Variants in ABCC11 observed in about 807,000 individuals in gnomAD.
ABCC11 encodes the protein ATP-binding cassette sub-family C member 11.
Under a neutral mutation model 149.3 loss-of-function variants are expected in ABCC11, and 135 were observed. That is an observed-to-expected ratio of 0.90 (90% CI 0.79 to 1.04). The LOEUF (loss-of-function observed/expected upper bound fraction) is 1.04. ABCC11 is among the 50% of genes least tolerant of loss of function. The pLI is 0.00. For synonymous variants in ABCC11, 665 were observed against 671.4 expected (o/e 0.99, Z 0.15); for missense variants, 1,680 against 1,722.1 (o/e 0.98, Z 0.43).
At chr16:48,196,175 A>C in intron 18 of ABCC11, 57 bp downstream of exon 18, 1 of 1,565,650 alleles carries the variant, frequency 6.4e-7, no homozygotes, top group Admixed American at 1.7e-5. Context: ...AATCTGACCC[A>C]GTTCCAGGGA....
intron 20 of ABCC11, among the ~76,000 whole-genome samples, chr16:48,192,296 T>C (rs896449624): frequency 1.3e-5 from 2 of 151,888 alleles, no homozygotes; most frequent in Non-Finnish European, 2.9e-5. Context: ...ATACAAAAAT[T>C]AGTCAGATCT....
chr16:48,203,411 A>AGGCCGGGCGCGG, intron 13 of ABCC11, 111 bp from the exon 14 acceptor site: 1 of 927,312 alleles, frequency 1.1e-6, no homozygotes, highest in Non-Finnish European at 1.7e-6. Flanking sequence ...TTTAGACTTG[A>AGGCCGGGCGCGG]TGGTGTTTAA....
chr16:48,215,972 A>T, intron 7 of ABCC11, 142 bp downstream of exon 7: 2 of 875,908 alleles, frequency 2.3e-6, no homozygotes, highest in Non-Finnish European at 3.5e-6. Context: ...AATAGTTTGA[A>T]GTAGGGAGTG....
intron 28 of ABCC11, among the ~76,000 whole-genome samples, chr16:48,169,769 GGT>G (rs1965577538): frequency 8.7e-6 from 1 of 114,532 alleles, no homozygotes; most frequent in Non-Finnish European, 1.7e-5. Flanking sequence ...CCTGTCGTGG[GGT>G]GGGGGGAGGG....
intron 20 of ABCC11, 55 bp from the exon 21 acceptor site, chr16:48,187,482 A>G (rs1966817815): frequency 6.8e-7 from 1 of 1,465,234 alleles, no homozygotes; most frequent in Non-Finnish European, 9.4e-7. Flanking sequence ...CCTGCTCAAG[A>G]TTGGATGAAG....
In ABCC11 at chr16:48,202,748, G is replaced by T. The variant is rs142788478; in HGVS notation, c.1878+480C>A. Among the ~76,000 whole-genome samples, 884 of 152,252 alleles carry T rather than the reference G, an allele frequency of 5.8e-3. 9 individuals are homozygous for T. Among genetic ancestry groups the T allele is most frequent in the African/African-American group, 0.021 (857 of 41,552 alleles). ...CCTTGCATGTAGTAAGTGTTCAACAGACTGAGATATTATTAGACCATTAAT... is the reference window on the plus strand; with the variant it reads ...CCTTGCATGTAGTAAGTGTTCAACATACTGAGATATTATTAGACCATTAAT... On this transcript the variant is annotated intron_variant, in intron 14 of 29. Transcript: ENST00000356608.
At chr16:48,218,806 C>T (rs144049007) in intron 6 of ABCC11, among the ~76,000 whole-genome samples, 3,105 of 152,306 alleles carry the variant, frequency 0.02, 47 homozygotes, top group Non-Finnish European at 0.031. Flanking sequence ...TCCCCAGCCA[C>T]GTGGAACTGT....
intron 6 of ABCC11, among the ~76,000 whole-genome samples, chr16:48,219,169 GTTT>G (rs59995920): frequency 1.2e-3 from 163 of 134,546 alleles, no homozygotes; most frequent in African/African-American, 4.1e-3. Flanking sequence ...TTGGTTTTGG[GTTT>G]TTTTTTTTTT....
intron 25 of ABCC11, 132 bp downstream of exon 25, chr16:48,176,792 C>G (rs1966103541): frequency 1.8e-6 from 2 of 1,102,704 alleles, no homozygotes; most frequent in Non-Finnish European, 2.5e-6. Flanking sequence ...TTGTCTAGCA[C>G]AGGGCCCAGC....
At chr16:48,183,195 C>A (rs1239904901) in intron 23 of ABCC11, among the ~76,000 whole-genome samples, 1 of 152,236 alleles carries the variant, frequency 6.6e-6, no homozygotes, top group Non-Finnish European at 1.5e-5. Flanking sequence ...AGCCACATAA[C>A]CACAGAGGGG....
At chr16:48,195,974 AT>A (rs926457885) in intron 18 of ABCC11, among the ~76,000 whole-genome samples, 1 of 151,974 alleles carries the variant, frequency 6.6e-6, no homozygotes, top group East Asian at 1.9e-4. Context: ...TGTCTATTCT[AT>A]TTTTTTTAAT....
At chr16:48,198,655 T>G (rs1967658213) in intron 15 of ABCC11, among the ~76,000 whole-genome samples, 1 of 149,432 alleles carries the variant, frequency 6.7e-6, no homozygotes, top group Non-Finnish European at 1.5e-5. Flanking sequence ...TTTTTTTTTG[T>G]AGAAGTGAAA....
chr16:48,224,398 T>C lies in ABCC11; in HGVS notation c.427A>G (p.Arg143Gly). The change falls in exon 5 of 30, where the codon AGG (arginine) becomes GGG (glycine). Residue 143 changes from arginine (R) to glycine (G), a missense_variant. Physicochemically the swap from Arg to Gly is moderately radical, Grantham distance 125. Transcript: ENST00000356608. Reference sequence around the variant, plus strand: ...ACTGAAGCTTTTTCAATCCCTCGCCTTGAGACTTCTTCTTCCCAAAGGCGG... The same window carrying C: ...ACTGAAGCTTTTTCAATCCCTCGCCCTGAGACTTCTTCTTCCCAAAGGCGG... The part of the protein sequence containing the change: ...LHRLWEEEVS[R>G]RGIEKASVLL... 1 of 1,614,174 alleles carries C rather than the reference T, an allele frequency of 6.2e-7. No individual in the cohort carries two copies. The highest frequency in any genetic ancestry group is 8.5e-7 in the Non-Finnish European group (1 of 1,180,016).
intron 1 of ABCC11, among the ~76,000 whole-genome samples, chr16:48,240,617 A>T (rs1970918231): frequency 6.6e-6 from 1 of 152,026 alleles, no homozygotes; most frequent in Non-Finnish European, 1.5e-5. Context: ...GCAGCAAACC[A>T]CCACGGCACA....
At position 48,192,598 on chromosome 16, in the gene ABCC11, C is replaced by A. The variant is rs1267461421; in HGVS notation, c.2628G>T (p.Val876=). ...YGLNALLLIC[V]GVCSSGIFTK... ...TGAAAATCCCTGAGGAGCAGACCCC[C>A]ACACAGATGAGGAGCAGGGCGTTGA... Residue 876 remains valine, a synonymous_variant, in exon 20 of 30, where the codon GTG becomes GTT. Coordinates refer to ENST00000356608, the MANE Select transcript of ABCC11 (RefSeq NM_001370497.1). 4 of 1,614,236 alleles carry A rather than the reference C, an allele frequency of 2.5e-6. No homozygotes were observed. Among genetic ancestry groups the A allele is most frequent in the Non-Finnish European group, 3.4e-6 (4 of 1,180,050 alleles).
chr16:48,213,722 C>T (rs772314773), intron 9 of ABCC11, among the ~76,000 whole-genome samples, 172 bp from the exon 10 acceptor site: 5 of 152,182 alleles, frequency 3.3e-5, no homozygotes, highest in African/African-American at 9.7e-5. Context: ...AAAGAGCACT[C>T]GTCCTGGAGT....
At chr16:48,233,753 C>T (rs1970546718) in intron 1 of ABCC11, among the ~76,000 whole-genome samples, 1 of 152,214 alleles carries the variant, frequency 6.6e-6, no homozygotes, top group South Asian at 2.1e-4. Context: ...AAAGGGCTGC[C>T]TCAGTGCTGT....
intron 11 of ABCC11, among the ~76,000 whole-genome samples, chr16:48,208,738 T>C (rs1451781497): frequency 1.8e-4 from 27 of 152,054 alleles, no homozygotes; most frequent in Admixed American, 1.8e-3. Context: ...AATTCAGGGG[T>C]AGGTGGCAAG....
Position 48,184,436 on chromosome 16 carries a change from T to A in ABCC11, c.3258+4A>T. The A allele has an allele frequency of 6.2e-7, 1 of 1,613,296 alleles. No homozygotes were observed. The highest frequency in any genetic ancestry group is 1.1e-5 in the South Asian group (1 of 90,964). ...AGAGGGCCCACACAGAGTCACCCCC[T>A]CACCTGCAGCACGATGTTGACAGCC... On this transcript the variant is annotated splice_donor_region_variant and intron_variant, in intron 23 of 29. Coordinates refer to ENST00000356608, the MANE Select transcript of ABCC11 (RefSeq NM_001370497.1).
Sources: gnomAD v4.1 joint callset for allele counts (sites outside exome capture counted in the v4.1 genomes callset) on GRCh38, gnomAD v4.1.1 for gene constraint, MANE v1.5 for transcripts, NCBI Gene and HGNC (gene_info 2026-07-23, HGNC 2026-07-21) for gene names.